Variants in EXPH5 observed in about 807,000 individuals in gnomAD.
EXPH5 encodes exophilin-5.
In EXPH5, 42 loss-of-function variants were observed where a neutral mutation model predicts 41.1. The ratio of observed to expected loss-of-function variants is 1.02; its 90% CI spans 0.80 to 1.32. The LOEUF (loss-of-function observed/expected upper bound fraction) is 1.32, where lower values mean the gene tolerates loss of function less well. EXPH5 is among the 40% of genes most tolerant of loss of function. The pLI is 0.00. For synonymous variants in EXPH5, 798 were observed against 833.5 expected, an observed-to-expected ratio of 0.96 and a Z score of 0.73; for missense variants, 2,298 against 2,314.5, an observed-to-expected ratio of 0.99 and a Z score of 0.15.
intron 3 of EXPH5, among the ~76,000 whole-genome samples, chr11:108,529,227 AT>A (rs2093820581): frequency 6.6e-6 from 1 of 152,182 alleles, no homozygotes; most frequent in African/African-American, 2.4e-5. Flanking sequence ...CTAGGAAACC[AT>A]TTTGGAAGTG....
At position 108,593,166 on chromosome 11, in the gene EXPH5, C is replaced by A. The variant is rs544620483; in HGVS notation, c.119+252G>T. 1.7e-4 allele frequency among the ~76,000 whole-genome samples: 26 copies of A among 152,350 alleles called. No homozygotes were observed. In the East Asian group the frequency reaches 4.4e-3, roughly 26 times the overall value. ...GGCCCCCGCAGCGCACGGACCCCCC[C>A]ACCCTGCCCGACCCCAGACCCGCAG... On this transcript the variant is annotated intron_variant, in intron 1 of 5. Transcript: ENST00000265843.
the EXPH5 span, among the ~76,000 whole-genome samples, chr11:108,598,986 A>G: frequency 3.3e-5 from 5 of 151,390 alleles, no homozygotes; most frequent in African/African-American, 1.2e-4. Flanking sequence ...TAAATGTGCT[A>G]ATGTCTGGGA....
At chr11:108,580,393 GA>G (rs1051742163) in intron 1 of EXPH5, among the ~76,000 whole-genome samples, 32 of 148,590 alleles carry the variant, frequency 2.2e-4, no homozygotes, top group East Asian at 9.8e-4. Context: ...TATCAAAAAG[GA>G]AAAAAAAAAT....
At chr11:108,530,546 G>A (rs2093830669) in intron 3 of EXPH5, among the ~76,000 whole-genome samples, 2 of 152,146 alleles carry the variant, frequency 1.3e-5, no homozygotes, top group Non-Finnish European at 1.5e-5. Flanking sequence ...GGGAGGCCGG[G>A]GACTGGCAAG....
chr11:108,580,819 C>T (rs2094095767), intron 1 of EXPH5, among the ~76,000 whole-genome samples: 1 of 152,146 alleles, frequency 6.6e-6, no homozygotes, highest in Non-Finnish European at 1.5e-5. Context: ...CTAAACACCA[C>T]ACGTTCTCAC....
In EXPH5 at chr11:108,509,686, G is replaced by T. The variant is rs765714991; in HGVS notation, c.5821C>A (p.Pro1941Thr). ...CCATCTTCTGGCACCTGACTACTGG[G>T]AGAATTTGAGCTTAATGACTCTGAG... ...NPSESLSSNS[P>T]SSQVPEDGLS... The change falls in exon 6 of 6, where the codon CCC (proline) becomes ACC (threonine). Residue 1941 changes from proline to threonine, a missense_variant. Transcript: ENST00000265843. 6.2e-7 allele frequency: 1 copy of T among 1,613,858 alleles called. No individual in the cohort carries two copies. The highest frequency in any genetic ancestry group is 8.5e-7 in the Non-Finnish European group (1 of 1,179,932).
chr11:108,586,162 C>T (rs1175771711), intron 1 of EXPH5, among the ~76,000 whole-genome samples: 3 of 151,982 alleles, frequency 2.0e-5, no homozygotes, highest in African/African-American at 7.2e-5. Context: ...TGCTCTCAAC[C>T]TGGCCAACAT....
At chr11:108,602,245 T>C in the EXPH5 span, among the ~76,000 whole-genome samples, 1,213 of 152,304 alleles carry the variant, frequency 8.0e-3, 8 homozygotes, top group Non-Finnish European at 0.013. Context: ...TCATTTAGGG[T>C]TATTTTTGTT....
chr11:108,573,198 A>AAGAAAGAAAGAGAAAG (rs1456627760), intron 1 of EXPH5, among the ~76,000 whole-genome samples: 36 of 108,274 alleles, frequency 3.3e-4, no homozygotes, highest in East Asian at 1.4e-3. Context: ...GAAAGAAAGA[A>AAGAAAGAAAGAGAAAG]AAAGAAAGAA....
chr11:108,516,628 T>A (rs933316779), intron 5 of EXPH5, among the ~76,000 whole-genome samples: 1 of 152,208 alleles, frequency 6.6e-6, no homozygotes, highest in South Asian at 2.1e-4. Context: ...AACATGCCAA[T>A]TAAGTTAGGG....
At position 108,513,582 on chromosome 11, in the gene EXPH5, T is replaced by C. The variant is rs1343739065; in HGVS notation, c.1925A>G (p.Gln642Arg). ...SQISDDRRNP[Q>R]SPNLQNPTVT... ...TGTGGGATTCTGCAAGTTGGGACTC[T>C]GAGGATTCCTTCTGTCATCAGAAAT... Residue 642 changes from glutamine to arginine, a missense_variant, in exon 6 of 6, where the codon CAG becomes CGG. Physicochemically the swap from Gln to Arg is conservative, Grantham distance 43 (BLOSUM62 1). Coordinates refer to ENST00000265843, the MANE Select transcript of EXPH5 (RefSeq NM_015065.3). 6.2e-7 allele frequency: 1 copy of C among 1,614,130 alleles called. No individual in the cohort carries two copies. Among genetic ancestry groups the C allele is most frequent in the Admixed American group, 1.7e-5 (1 of 60,012 alleles).
intron 1 of EXPH5, among the ~76,000 whole-genome samples, chr11:108,550,139 T>TAC (rs929898370): frequency 2.6e-5 from 4 of 152,218 alleles, no homozygotes; most frequent in Non-Finnish European, 5.9e-5. Context: ...TTGCACTTGC[T>TAC]AAGACCAATA....
intron 3 of EXPH5, among the ~76,000 whole-genome samples, chr11:108,533,774 C>T (rs1358025060): frequency 6.6e-6 from 1 of 151,954 alleles, no homozygotes; most frequent in Admixed American, 6.5e-5. Flanking sequence ...TGCACCCTCC[C>T]CTCTTCAGTT....
chr11:108,561,151 G>A (rs6589022), intron 1 of EXPH5, among the ~76,000 whole-genome samples: 2,429 of 152,236 alleles, frequency 0.016, 67 homozygotes, highest in African/African-American at 0.055. Flanking sequence ...AAAATGAAAA[G>A]ACATGTCAAT....
At chr11:108,522,098 A>G (rs1287405195) in intron 4 of EXPH5, among the ~76,000 whole-genome samples, 1 of 152,156 alleles carries the variant, frequency 6.6e-6, no homozygotes, top group Admixed American at 6.5e-5. Context: ...GGATGCTTTC[A>G]ACACACAGAG....
chr11:108,523,375 C>T (rs770763903), intron 4 of EXPH5, among the ~76,000 whole-genome samples: 17 of 152,144 alleles, frequency 1.1e-4, no homozygotes, highest in Non-Finnish European at 2.5e-4. Context: ...ACTGGCTACT[C>T]ATACTCATAT....
chr11:108,595,086 A>G (rs2094136843), upstream of EXPH5, among the ~76,000 whole-genome samples: 4 of 152,188 alleles, frequency 2.6e-5, no homozygotes, highest in Admixed American at 2.6e-4. Flanking sequence ...TACACATGGG[A>G]CTTTTCAATA....
rs528140399 is a variant in EXPH5 at position 108,506,367 on chromosome 11, A to T, written c.*3170T>A. 3.6e-4 allele frequency: 55 copies of T among 152,308 alleles called. No individual in the cohort carries two copies. Among genetic ancestry groups the T allele is most frequent in the African/African-American group, 1.3e-3 (55 of 41,558 alleles). 9.4% of individuals were successfully genotyped at this position (152,308 alleles called of 1,614,324 possible). ...TTTTCCTGATACTTCAGCCAGACCA[A>T]CATGCAAACGTTACAAATAGAGCAA... On this transcript the variant is annotated 3_prime_UTR_variant, in exon 6 of 6. Coordinates refer to ENST00000265843, the MANE Select transcript of EXPH5 (RefSeq NM_015065.3).
intron 4 of EXPH5, among the ~76,000 whole-genome samples, chr11:108,519,400 T>A (rs1427401001): frequency 6.6e-6 from 1 of 152,072 alleles, no homozygotes; most frequent in Non-Finnish European, 1.5e-5. Flanking sequence ...TTTCCTAACG[T>A]TGTACCTATT....
Sources: gnomAD v4.1 joint callset for allele counts (sites outside exome capture counted in the v4.1 genomes callset) on GRCh38, gnomAD v4.1.1 for gene constraint, MANE v1.5 for transcripts, NCBI Gene and HGNC (gene_info 2026-07-23, HGNC 2026-07-21) for gene names.